CCDC28B: variants seen among roughly 807,000 people sequenced by gnomAD.
CCDC28B encodes coiled-coil domain containing 28B.
CCDC28B carries 17 observed loss-of-function variants against 18.7 expected under a neutral mutation model. The observed-to-expected ratio is 0.91, with a 90% confidence interval of 0.62 to 1.36. The LOEUF is 1.36. Among genes scored for constraint, CCDC28B ranks in the 40% most tolerant of loss-of-function variants. CCDC28B has a pLI of 0.00. For missense variants in CCDC28B, 213 were observed against 251.7 expected (o/e 0.85, Z 1.04); for synonymous variants, 116 against 105.1 (o/e 1.10, Z -0.64).
At chr1:32,204,858 C>T (rs1299071084) in intron 5 of CCDC28B, 2 of 1,537,424 alleles carry the variant, frequency 1.3e-6, no homozygotes, top group African/African-American at 1.4e-5. Context: ...AGTACTTTAG[C>T]TGACATCAAT....
Position 32,204,308 on chromosome 1 carries a change from G to T in CCDC28B, c.454G>T (p.Val152Phe). ...EEDDEEEEDGVTEGLPEEQKK... is the reference protein window; with the variant it reads ...EEDDEEEEDGFTEGLPEEQKK... ...GGACGATGAAGAGGAAGAGGATGGG[G>T]TCACTGAGGGGCTGCCAGAGGAGCA... Residue 152 changes from valine to phenylalanine, a missense_variant, in exon 4 of 6, where the codon GTC becomes TTC. Coordinates refer to ENST00000373602, the MANE Select transcript of CCDC28B (RefSeq NM_024296.5). 6.2e-7 allele frequency: 1 copy of T among 1,612,494 alleles called. No individual in the cohort carries two copies. Among genetic ancestry groups the T allele is most frequent in the South Asian group, 1.1e-5 (1 of 90,882 alleles).
At chr1:32,201,653 T>C (rs535020767) in intron 1 of CCDC28B, 1 of 285,706 alleles carries the variant, frequency 3.5e-6, no homozygotes, top group Non-Finnish European at 6.5e-6. Context: ...AGCGCCAAGA[T>C]AGTTGTGACT....
chr1:32,203,513 C>T (rs1314219025), intron 2 of CCDC28B, among the ~76,000 whole-genome samples: 1 of 152,010 alleles, frequency 6.6e-6, no homozygotes, highest in Non-Finnish European at 1.5e-5. Context: ...GGTAAGACAG[C>T]CCTGGTGGCA....
At chr1:32,201,639 C>CT (rs1643149276) in intron 1 of CCDC28B, 2 of 268,300 alleles carry the variant, frequency 7.5e-6, no homozygotes, top group African/African-American at 4.4e-5. Flanking sequence ...CAGGAAGCCC[C>CT]AGTAGCGCCA....
At chr1:32,202,505 C>A (rs571831278) in intron 2 of CCDC28B, 5 of 361,648 alleles carry the variant, frequency 1.4e-5, no homozygotes, top group African/African-American at 1.1e-4. Context: ...AATTTGAATT[C>A]TCTGTTGAAT....
In CCDC28B at chr1:32,202,010, G is replaced by A. The variant is rs1643157037; in HGVS notation, c.75G>A (p.Arg25=). The change falls in exon 2 of 6, where the codon CGG becomes CGA. Residue 25 remains arginine, a synonymous_variant. Transcript: ENST00000373602. ...CAGCCCAGGCCCCAGGCACACTACG[G>A]AGGGTCCCTGTGCCTACCAGCCACA... ...AQPAQAPGTL[R]RVPVPTSHSG... 1.9e-6 allele frequency: 3 copies of A among 1,613,602 alleles called. No individual in the cohort carries two copies. The highest frequency in any genetic ancestry group is 2.2e-5 in the South Asian group (2 of 91,078).
Position 32,205,196 on chromosome 1 carries a change from A to G in CCDC28B, c.551A>G (p.Gln184Arg). 1 of 1,613,912 alleles carries G rather than the reference A, an allele frequency of 6.2e-7. No homozygotes were observed. The highest frequency in any genetic ancestry group is 8.5e-7 in the Non-Finnish European group (1 of 1,179,882). Residue 184 changes from glutamine to arginine, a missense_variant and splice_region_variant, in exon 6 of 6, where the codon CAG becomes CGG. Transcript: ENST00000373602. The surrounding 1 kb of genome is among the most constrained non-coding windows in gnomAD (Gnocchi z 5.6). ...GCCACGATCCTTGACGGGCACAGCC[A>G]GAAGCTGCACCTGGCCGAGAACGCC... Reference protein sequence around the residue: ...SNLEDLSNSIQKLHLAENAEP... With the variant: ...SNLEDLSNSIRKLHLAENAEP...
In CCDC28B at chr1:32,205,261, G is replaced by A; in HGVS notation, c.*13G>A. 1 of 1,607,676 alleles carries A rather than the reference G, an allele frequency of 6.2e-7. No individual in the cohort carries two copies. The highest frequency in any genetic ancestry group is 2.2e-5 in the East Asian group (1 of 44,594). ...GTCCGCTGCGTAGGCGTCCCACGCAGGCCCACACTGCCCCTCTCATTCTCT... is the reference window on the plus strand; with the variant it reads ...GTCCGCTGCGTAGGCGTCCCACGCAAGCCCACACTGCCCCTCTCATTCTCT... On this transcript the variant is annotated 3_prime_UTR_variant, in exon 6 of 6. Transcript: ENST00000373602. This position sits in a 1 kb window ranked among gnomAD's most constrained non-coding sequence, Gnocchi z 5.6.
In CCDC28B at chr1:32,205,132, G is replaced by A. The variant is rs957137615; in HGVS notation, c.549-62G>A. ...AGGTGAGGGAACTAAACCTGTGCAA[G>A]ATGGGAGACCGGGGTGGGAGGAAGG... On this transcript the variant is annotated intron_variant, in intron 5 of 5. Coordinates refer to ENST00000373602, the MANE Select transcript of CCDC28B (RefSeq NM_024296.5). The surrounding 1 kb of genome is among the most constrained non-coding windows in gnomAD (Gnocchi z 5.6). 1.3e-6 allele frequency: 2 copies of A among 1,597,298 alleles called. No individual in the cohort carries two copies. The highest frequency in any genetic ancestry group is 1.7e-6 in the Non-Finnish European group (2 of 1,167,798).
At chr1:32,201,058 A>C (rs922636762) in intron 1 of CCDC28B, among the ~76,000 whole-genome samples, 1 of 140,520 alleles carries the variant, frequency 7.1e-6, no homozygotes, top group Non-Finnish European at 1.5e-5. Context: ...CCAGAATTCG[A>C]AGTTAGGCTC....
chr1:32,199,630 C>T (rs1557513867), upstream of CCDC28B, among the ~76,000 whole-genome samples: 1 of 152,178 alleles, frequency 6.6e-6, no homozygotes, highest in Non-Finnish European at 1.5e-5. Flanking sequence ...TGGAAGTACC[C>T]AGGAAGAAGC....
intron 2 of CCDC28B, chr1:32,202,537 G>A (rs1643168959): frequency 5.6e-6 from 2 of 357,236 alleles, no homozygotes; most frequent in East Asian, 7.4e-5. Context: ...TTGGGAGTTT[G>A]CATGCTGCCT....
intron 2 of CCDC28B, chr1:32,203,071 T>C (rs887200977): frequency 1.3e-5 from 2 of 151,246 alleles, no homozygotes; most frequent in African/African-American, 4.9e-5. Flanking sequence ...AAGGCAGAGG[T>C]TGCAGTGAAC....
At chr1:32,202,208 C>T (rs1643162553) in intron 2 of CCDC28B, 109 bp downstream of exon 2, 1 of 1,360,198 alleles carries the variant, frequency 7.4e-7, no homozygotes, top group South Asian at 1.2e-5. Flanking sequence ...TAATTGATGC[C>T]TTTCTGGAGC....
chr1:32,205,342 AT>A lies in CCDC28B; in HGVS notation c.*95del. ...GGTGTTCTGCGGCCCCCCAGGTGCT[AT>A]GGGGGAGGGGGGCGTTGAATGGAAT... On this transcript the variant is annotated 3_prime_UTR_variant, in exon 6 of 6. Coordinates refer to ENST00000373602, the MANE Select transcript of CCDC28B (RefSeq NM_024296.5). The surrounding 1 kb of genome is among the most constrained non-coding windows in gnomAD (Gnocchi z 5.6). The A allele has an allele frequency of 8.4e-7, 1 of 1,187,778 alleles. No individual in the cohort carries two copies. Among genetic ancestry groups the A allele is most frequent in the Non-Finnish European group, 1.2e-6 (1 of 863,808 alleles). 73.6% of individuals were successfully genotyped at this position (1,187,778 alleles called of 1,614,324 possible).
At position 32,203,980 on chromosome 1, in the gene CCDC28B, A is replaced by G; in HGVS notation, c.266A>G (p.Tyr89Cys). Residue 89 changes from tyrosine (Y) to cysteine (C), a missense_variant, in exon 3 of 6, where the codon TAT becomes TGT. Transcript: ENST00000373602. ...TTCCTGACCGAGGTGACTGATGTCTATGAGATGGAGGGGGGACTCCTGAAC... is the reference window on the plus strand; with the variant it reads ...TTCCTGACCGAGGTGACTGATGTCTGTGAGATGGAGGGGGGACTCCTGAAC... ...HSFLTEVTDVYEMEGGLLNLL... is the reference protein window; with the variant it reads ...HSFLTEVTDVCEMEGGLLNLL... The G allele has an allele frequency of 1.2e-5, 19 of 1,577,066 alleles. No individual in the cohort carries two copies. The highest frequency in any genetic ancestry group is 2.3e-5 in the East Asian group (1 of 44,428).
At chr1:32,204,972 G>A in intron 5 of CCDC28B, 2 of 1,285,448 alleles carry the variant, frequency 1.6e-6, no homozygotes, top group Non-Finnish European at 2.1e-6. Flanking sequence ...GAAACAGCGC[G>A]AGTGCGCGCG....
At chr1:32,196,396 C>G (rs1643025655), upstream of CCDC28B, 1 of 152,276 alleles carries the variant, frequency 6.6e-6, no homozygotes, top group African/African-American at 2.4e-5. Flanking sequence ...CCTGGCACCT[C>G]CCTGCCTGTC....
At chr1:32,196,942 T>G (rs115599295), upstream of CCDC28B, 1 of 152,252 alleles carries the variant, frequency 6.6e-6, no homozygotes, top group Non-Finnish European at 1.5e-5. Context: ...TGCCTGCTAT[T>G]CTCTGGTGTA....
Sources: gnomAD v4.1 joint callset for allele counts (sites outside exome capture counted in the v4.1 genomes callset) on GRCh38, gnomAD v4.1.1 for gene constraint, Gnocchi (gnomAD v3.1) non-coding constraint, MANE v1.5 for transcripts, NCBI Gene and HGNC (gene_info 2026-07-23, HGNC 2026-07-21) for gene names.